MAP3K3: variants seen among roughly 807,000 people sequenced by gnomAD.
MAP3K3 encodes the protein MAP/ERK kinase kinase 3.
Under a neutral mutation model 80.9 loss-of-function variants are expected in MAP3K3, and 12 were observed. The observed-to-expected ratio is 0.15, with a 90% CI of 0.10 to 0.24. The LOEUF (loss-of-function observed/expected upper bound fraction) is 0.24. MAP3K3 is among the 10% of genes least tolerant of loss of function. The pLI, the probability that MAP3K3 is intolerant of heterozygous loss-of-function variation, is 1.00. For synonymous variants in MAP3K3, 272 were observed against 307.1 expected, an observed-to-expected ratio of 0.89 and a Z score of 1.19; for missense variants, 596 against 834.7, an observed-to-expected ratio of 0.71 and a Z score of 3.52.
intron 1 of MAP3K3, among the ~76,000 whole-genome samples, chr17:63,630,771 A>G (rs1020801079): frequency 3.3e-5 from 5 of 152,156 alleles, no homozygotes; most frequent in African/African-American, 4.8e-5. Context: ...CATGCTTTCT[A>G]TATTACAGCT....
At chr17:63,641,597 T>A (rs572537846) in intron 2 of MAP3K3, among the ~76,000 whole-genome samples, 3 of 152,184 alleles carry the variant, frequency 2.0e-5, no homozygotes, top group African/African-American at 7.2e-5. Context: ...AAGTTCGAGG[T>A]TACACAGCTA....
chr17:63,674,300 C>T (rs928680699), intron 6 of MAP3K3, among the ~76,000 whole-genome samples: 1 of 152,058 alleles, frequency 6.6e-6, no homozygotes, highest in Non-Finnish European at 1.5e-5. Context: ...TGCAGTGGTG[C>T]GTACCTGTAA....
At chr17:63,638,636 G>A (rs1443648424) in intron 2 of MAP3K3, among the ~76,000 whole-genome samples, 1 of 152,200 alleles carries the variant, frequency 6.6e-6, no homozygotes, top group Non-Finnish European at 1.5e-5. Flanking sequence ...CCTGTGGTGG[G>A]GAGGGGACAT....
intron 6 of MAP3K3, among the ~76,000 whole-genome samples, chr17:63,675,066 C>A (rs958569116): frequency 6.6e-6 from 1 of 151,994 alleles, no homozygotes; most frequent in Non-Finnish European, 1.5e-5. Context: ...TCCCTCCTTG[C>A]TATAAGTTCT....
intron 2 of MAP3K3, among the ~76,000 whole-genome samples, chr17:63,633,044 A>G (rs2034249624): frequency 6.6e-6 from 1 of 152,078 alleles, no homozygotes; most frequent in Non-Finnish European, 1.5e-5. Flanking sequence ...CCTGGCCAAC[A>G]TGGTGAAACC....
At chr17:63,677,139 T>C (rs149222716) in intron 6 of MAP3K3, among the ~76,000 whole-genome samples, 1 of 152,360 alleles carries the variant, frequency 6.6e-6, no homozygotes, top group African/African-American at 2.4e-5. Flanking sequence ...AAAGAAATTA[T>C]GAGGTAGATA....
chr17:63,685,401 A>G (rs2035427489), intron 7 of MAP3K3, 116 bp from the exon 8 acceptor site: 2 of 796,320 alleles, frequency 2.5e-6, no homozygotes, highest in African/African-American at 1.7e-5. Flanking sequence ...GGGGAGAAAA[A>G]GGACACTTTC....
At chr17:63,633,736 G>C (rs2034264039) in intron 2 of MAP3K3, among the ~76,000 whole-genome samples, 1 of 152,220 alleles carries the variant, frequency 6.6e-6, no homozygotes, top group South Asian at 2.1e-4. Context: ...AGGAGTGAAT[G>C]ATGGGGAGCT....
At chr17:63,644,102 T>G (rs2034496610) in intron 2 of MAP3K3, among the ~76,000 whole-genome samples, 4 of 152,188 alleles carry the variant, frequency 2.6e-5, no homozygotes, top group Admixed American at 2.6e-4. Context: ...TATGTAAACA[T>G]GCTTAGAACA....
In MAP3K3 at chr17:63,622,728, G is replaced by A. The variant is rs769155656; in HGVS notation, c.-32G>A. On this transcript the variant is annotated 5_prime_UTR_variant, in exon 1 of 16. Transcript: ENST00000361733. ...CCCCGGCTGCGGAGGTGACACTCAC[G>A]GACCTTAGCCACCGCCGCCGCCATC... The A allele has an allele frequency of 7.9e-6, 4 of 507,124 alleles. No individual in the cohort carries two copies. Among genetic ancestry groups the A allele is most frequent in the African/African-American group, 4.1e-5 (2 of 48,362 alleles). 31.4% of individuals were successfully genotyped at this position (507,124 alleles called of 1,614,324 possible).
chr17:63,661,892 A>G (rs2034899196), intron 5 of MAP3K3, among the ~76,000 whole-genome samples: 1 of 149,548 alleles, frequency 6.7e-6, no homozygotes, highest in African/African-American at 2.5e-5. Flanking sequence ...TCACAAGGTC[A>G]GGAGATGGAG....
chr17:63,687,095 G>A (rs1194436572), intron 8 of MAP3K3, among the ~76,000 whole-genome samples: 3 of 152,056 alleles, frequency 2.0e-5, no homozygotes, highest in African/African-American at 7.2e-5. Flanking sequence ...TTGAGGCACC[G>A]TGGCTCACGC....
At position 63,692,255 on chromosome 17, in the gene MAP3K3, C is replaced by T. The variant is rs142032323; in HGVS notation, c.1488C>T (p.Leu496=). ...TTCATGCCTCAGGAGCCAACATCCT[C>T]CGAGACTCTGCTGGGAATGTAAAGC... The part of the protein sequence containing the change: ...VHRDIKGANI[L]RDSAGNVKLG... The change falls in exon 15 of 16, where the codon CTC becomes CTT. Residue 496 remains leucine, a synonymous_variant. Transcript: ENST00000361733. The surrounding 1 kb of genome is among the most constrained non-coding windows in gnomAD (Gnocchi z 4.5). 4.7e-4 allele frequency: 762 copies of T among 1,613,880 alleles called. No individual in the cohort carries two copies. The highest frequency in any genetic ancestry group is 5.6e-4 in the Non-Finnish European group (660 of 1,180,016).
rs1367930946 is a variant in MAP3K3 at position 63,645,738 on chromosome 17, A to G, written c.127-296A>G. On this transcript the variant is annotated intron_variant, in intron 2 of 15. Transcript: ENST00000361733. ...TAGAGTGGGAGAAACTTCCAGAGCC[A>G]ATTGTAGAAATAGGGTGTGTATGAA... is the stretch of plus-strand genomic sequence containing the variant. Among the ~76,000 whole-genome samples the G allele has an allele frequency of 2.0e-5, 3 of 151,806 alleles. No homozygotes were observed. In the South Asian group the frequency reaches 6.2e-4, roughly 32 times the overall value.
In MAP3K3 at chr17:63,681,907, TA is replaced by T. The variant is rs771943327; in HGVS notation, c.636+9del. On this transcript the variant is annotated intron_variant, in intron 7 of 15. Transcript: ENST00000361733. ...GAGACCAGCGAGCAGTGCGTGAGTA[TA>T]GGGGGGCTGGGATATGCCTGTGGCC... The T allele has an allele frequency of 1.5e-5, 21 of 1,406,446 alleles. No individual in the cohort carries two copies. The African/African-American group carries it at 2.5e-4, about 17-fold the overall frequency. The allele number at this position is 1,406,446 out of a possible 1,614,324, so 87.1% of individuals were successfully genotyped here. A position where few individuals can be genotyped will look rare whatever the true frequency, so the allele number is the denominator to read the frequency against.
In MAP3K3 at chr17:63,622,589, G is replaced by A. The variant is rs1057113157; in HGVS notation, c.-171G>A. ...GCCGATGCCACAGCGCCCGGCCGCG[G>A]GCGGAGCCGGAGCCGGAGCCTGGGG... On this transcript the variant is annotated 5_prime_UTR_variant, in exon 1 of 16. Transcript: ENST00000361733. 40 of 156,982 alleles carry A rather than the reference G, an allele frequency of 2.5e-4. No homozygotes were observed. The highest frequency in any genetic ancestry group is 9.5e-4 in the African/African-American group (39 of 41,048). 9.7% of individuals were successfully genotyped at this position (156,982 alleles called of 1,614,324 possible). A position where few individuals can be genotyped will look rare whatever the true frequency, so the allele number is the denominator to read the frequency against.
chr17:63,683,465 G>A (rs1396296807), intron 7 of MAP3K3, among the ~76,000 whole-genome samples: 2 of 152,104 alleles, frequency 1.3e-5, no homozygotes, highest in Non-Finnish European at 2.9e-5. Flanking sequence ...TATGTCCCTC[G>A]CCATGGTCCT....
At chr17:63,650,240 A>G (rs993562499) in intron 3 of MAP3K3, among the ~76,000 whole-genome samples, 5 of 152,034 alleles carry the variant, frequency 3.3e-5, no homozygotes, top group Non-Finnish European at 7.4e-5. Context: ...TTTTACAAGT[A>G]TTTTCTCAAA....
At chr17:63,623,642 A>G (rs760661346) in intron 1 of MAP3K3, among the ~76,000 whole-genome samples, 1 of 152,218 alleles carries the variant, frequency 6.6e-6, no homozygotes, top group African/African-American at 2.4e-5. Flanking sequence ...ATTATATTCC[A>G]TATCCTTTTT....
Sources: gnomAD v4.1 joint callset for allele counts (sites outside exome capture counted in the v4.1 genomes callset) on GRCh38, gnomAD v4.1.1 for gene constraint, Gnocchi (gnomAD v3.1) non-coding constraint, MANE v1.5 for transcripts, NCBI Gene and HGNC (gene_info 2026-07-23, HGNC 2026-07-21) for gene names.